Variants in MAML2 observed in about 807,000 individuals in gnomAD.
MAML2 encodes the protein mastermind-like protein 2.
MAML2 carries 22 observed loss-of-function variants against 96.1 expected under a neutral mutation model. That is an observed-to-expected ratio of 0.23 (90% confidence interval 0.16 to 0.33). The LOEUF is 0.33. MAML2 is among the 10% of genes least tolerant of loss of function. The probability of loss-of-function intolerance (pLI) is 1.00; values close to 1 mark genes in which losing one functional copy is unlikely to be tolerated. For missense variants in MAML2, 1,367 were observed against 1,392.4 expected (o/e 0.98, Z 0.29); for synonymous variants, 561 against 521.3 (o/e 1.08, Z -1.04).
chr11:96,187,881 C>T (rs1237456250), intron 1 of MAML2, among the ~76,000 whole-genome samples: 1 of 152,190 alleles, frequency 6.6e-6, no homozygotes, highest in Non-Finnish European at 1.5e-5. Flanking sequence ...ATTTTTCACT[C>T]CAGTCTATGG....
intron 1 of MAML2, among the ~76,000 whole-genome samples, chr11:96,156,462 C>T (rs570571194): frequency 1.3e-5 from 2 of 152,230 alleles, no homozygotes; most frequent in East Asian, 3.9e-4. Flanking sequence ...GGATGGCTGC[C>T]CCTGGATAGC....
chr11:96,299,058 A>AT lies in MAML2; in HGVS notation c.513+42324_513+42325insA, dbSNP rs61036575. Among the ~76,000 whole-genome samples, 440 of 57,986 alleles carry AT rather than the reference A, an allele frequency of 7.6e-3. 4 individuals carry two copies. Among genetic ancestry groups the AT allele is most frequent in the African/African-American group, 0.031 (374 of 11,996 alleles). 38.0% of individuals were successfully genotyped at this position (57,986 alleles called of 152,430 possible). ...AGAGTCCATCTCAAAAAAAAAAAAA[A>AT]AAATATATATATATATATATATAAA... On this transcript the variant is annotated intron_variant, in intron 1 of 4. Transcript: ENST00000524717.
intron 1 of MAML2, among the ~76,000 whole-genome samples, chr11:96,308,991 G>T (rs575704631): frequency 2.0e-5 from 3 of 152,212 alleles, no homozygotes; most frequent in Admixed American, 6.5e-5. Flanking sequence ...ATAATTCATG[G>T]CATAAAATAC....
intron 2 of MAML2, among the ~76,000 whole-genome samples, chr11:96,051,082 A>G (rs1858982760): frequency 6.6e-6 from 1 of 152,162 alleles, no homozygotes; most frequent in Non-Finnish European, 1.5e-5. Flanking sequence ...TCTGTGAGGC[A>G]TGACTTTCTG....
intron 1 of MAML2, among the ~76,000 whole-genome samples, chr11:96,184,591 C>CTTTT (rs35327027): frequency 1.6e-5 from 2 of 128,200 alleles, no homozygotes; most frequent in African/African-American, 5.9e-5. Context: ...AGTCATTTTA[C>CTTTT]TTTTTTTTTT....
At chr11:96,042,978 T>G (rs1858840724) in intron 2 of MAML2, among the ~76,000 whole-genome samples, 1 of 152,136 alleles carries the variant, frequency 6.6e-6, no homozygotes. Context: ...ACTCCTGGCC[T>G]CAAGTGATCT....
chr11:95,990,196 T>C (rs976285041), intron 3 of MAML2, among the ~76,000 whole-genome samples: 2 of 152,188 alleles, frequency 1.3e-5, no homozygotes, highest in South Asian at 4.1e-4. Flanking sequence ...CTTTTTATAC[T>C]TTTTAGTATA....
At position 96,226,973 on chromosome 11, in the gene MAML2, T is replaced by A. The variant is rs148490677; in HGVS notation, c.513+114410A>T. The stretch of plus-strand genomic sequence containing the variant: ...AGTGAAACAGTAAAAAATGTTACGT[T>A]CAATGGAGGAATATGAAACACAACA... On this transcript the variant is annotated intron_variant, in intron 1 of 4. Transcript: ENST00000524717. Among the ~76,000 whole-genome samples the A allele has an allele frequency of 3.7e-3, 556 of 152,282 alleles. 14 individuals carry two copies. Among genetic ancestry groups the A allele is most frequent in the Admixed American group, 0.024 (371 of 15,292 alleles).
intron 1 of MAML2, among the ~76,000 whole-genome samples, chr11:96,239,925 A>G (rs1316687966): frequency 6.6e-6 from 1 of 152,176 alleles, no homozygotes; most frequent in Non-Finnish European, 1.5e-5. Flanking sequence ...CCCATTGGCA[A>G]ATTAGGGAAA....
intron 1 of MAML2, among the ~76,000 whole-genome samples, chr11:96,122,539 C>T (rs1030238562): frequency 6.6e-6 from 1 of 150,466 alleles, no homozygotes; most frequent in Non-Finnish European, 1.5e-5. Context: ...TGCACGTGCA[C>T]GTGCATGTTT....
chr11:96,075,816 G>A (rs1859425483), intron 2 of MAML2, among the ~76,000 whole-genome samples: 1 of 152,170 alleles, frequency 6.6e-6, no homozygotes, highest in Admixed American at 6.5e-5. Flanking sequence ...GTATCATACT[G>A]TTTAATGTGT....
chr11:96,231,776 C>T (rs1051411364), intron 1 of MAML2, among the ~76,000 whole-genome samples: 4 of 152,172 alleles, frequency 2.6e-5, no homozygotes, highest in South Asian at 2.1e-4. Flanking sequence ...CCAAGCTCAT[C>T]GTACAGAAGG....
chr11:96,142,135 A>G (rs1860741830), intron 1 of MAML2, among the ~76,000 whole-genome samples: 1 of 152,214 alleles, frequency 6.6e-6, no homozygotes, highest in Non-Finnish European at 1.5e-5. Context: ...GTATGGATAG[A>G]GCTATAATAA....
At position 96,124,973 on chromosome 11, in the gene MAML2, A is replaced by C. The variant is rs74321052; in HGVS notation, c.514-31456T>G. ...ACTGGTAAGAATGAGTGATGGCCGC[A>C]TTAATTGACACCTGTCTCCTAAATT... On this transcript the variant is annotated intron_variant, in intron 1 of 4. Transcript: ENST00000524717. Among the ~76,000 whole-genome samples, 422 of 152,314 alleles carry C rather than the reference A, an allele frequency of 2.8e-3. 1 individual carries two copies. The highest frequency in any genetic ancestry group is 4.3e-3 in the Non-Finnish European group (295 of 68,028).
chr11:96,065,067 G>C (rs563330489), intron 2 of MAML2, among the ~76,000 whole-genome samples: 26 of 152,248 alleles, frequency 1.7e-4, no homozygotes, highest in African/African-American at 6.0e-4. Flanking sequence ...AAAGTGGACA[G>C]AAAATAGCTT....
intron 1 of MAML2, among the ~76,000 whole-genome samples, chr11:96,300,781 G>A (rs78481650): frequency 0.033 from 5,085 of 152,286 alleles, 178 homozygotes; most frequent in South Asian, 0.18. Flanking sequence ...CGGACAATGA[G>A]CAGGAGAGGA....
In MAML2 at chr11:96,280,073, C is replaced by T. The variant is rs142245527; in HGVS notation, c.513+61310G>A. 5.0e-4 allele frequency among the ~76,000 whole-genome samples: 76 copies of T among 152,316 alleles called. 1 individual carries two copies. Among genetic ancestry groups the T allele is most frequent in the South Asian group, 2.1e-3 (10 of 4,822 alleles). On this transcript the variant is annotated intron_variant, in intron 1 of 4. Coordinates refer to ENST00000524717, the MANE Select transcript of MAML2 (RefSeq NM_032427.4). ...CTCCATATAGAGATATAGCTCTACA[C>T]AGCCATTAACAGACTCACACACAAT...
At chr11:96,232,471 AT>A (rs36041347) in intron 1 of MAML2, among the ~76,000 whole-genome samples, 59,358 of 148,696 alleles carry the variant, frequency 0.4, 11,755 homozygotes, top group Middle Eastern at 0.54. Context: ...AAAGGAAGGC[AT>A]TTTTTTTTTT....
intron 2 of MAML2, among the ~76,000 whole-genome samples, chr11:96,032,023 G>A (rs558495519): frequency 5.9e-5 from 9 of 151,982 alleles, no homozygotes; most frequent in South Asian, 4.2e-4. Flanking sequence ...AAAATTACCC[G>A]TATCTTTGTA....
Sources: allele counts gnomAD v4.1 joint callset (sites outside exome capture counted in the v4.1 genomes callset), GRCh38; gene constraint gnomAD v4.1.1; transcripts MANE v1.5; gene names NCBI Gene and HGNC (gene_info 2026-07-23, HGNC 2026-07-21).